INTS2: variants seen among roughly 807,000 people sequenced by gnomAD.
The protein encoded by INTS2 is KIAA1287.
A neutral mutation model predicts 139.6 loss-of-function variants in INTS2; 57 were observed. That is an observed-to-expected ratio of 0.41 (90% CI 0.33 to 0.51). The LOEUF is 0.51. Among genes scored for constraint, INTS2 ranks in the 20% least tolerant of loss-of-function variants. The pLI is 0.28. For missense variants in INTS2, 1,196 were observed against 1,436.7 expected (o/e 0.83, Z 2.71); for synonymous variants, 473 against 493.4 (o/e 0.96, Z 0.55).
chr17:61,900,741 T>C (rs2079396368), intron 9 of INTS2, among the ~76,000 whole-genome samples: 1 of 152,082 alleles, frequency 6.6e-6, no homozygotes. Flanking sequence ...GCAGATCACC[T>C]GAGGTCAGGA....
At chr17:61,919,685 C>T (rs1368689598) in intron 4 of INTS2, among the ~76,000 whole-genome samples, 172 bp from the exon 5 acceptor site, 3 of 152,166 alleles carry the variant, frequency 2.0e-5, no homozygotes, top group African/African-American at 4.8e-5. Flanking sequence ...GCTAAGATTA[C>T]AGGCATAAGC....
At position 61,868,280 on chromosome 17, in the gene INTS2, C is replaced by A. The variant is rs2079062100; in HGVS notation, c.3245-271G>T. 6.6e-6 allele frequency among the ~76,000 whole-genome samples: 1 copy of A among 152,066 alleles called. No individual in the cohort carries two copies. The highest frequency in any genetic ancestry group is 2.4e-5 in the African/African-American group (1 of 41,422). ...ATGACCAAAGTACTATTATGACACTCATTTTATATATGAGAAAACTCTTAA... is the reference window on the plus strand; with the variant it reads ...ATGACCAAAGTACTATTATGACACTAATTTTATATATGAGAAAACTCTTAA... On this transcript the variant is annotated intron_variant, in intron 23 of 24. Transcript: ENST00000251334. This position sits in a 1 kb window ranked among gnomAD's most constrained non-coding sequence, Gnocchi z 4.7.
intron 4 of INTS2, among the ~76,000 whole-genome samples, chr17:61,921,054 G>GGATT (rs1215923332): frequency 6.6e-6 from 1 of 152,086 alleles, no homozygotes; most frequent in Non-Finnish European, 1.5e-5. Context: ...CAAAGTGCTG[G>GGATT]GATTACAGGC....
chr17:61,894,668 G>A (rs1294650282), intron 12 of INTS2, among the ~76,000 whole-genome samples: 7 of 151,922 alleles, frequency 4.6e-5, no homozygotes, highest in African/African-American at 1.5e-4. Flanking sequence ...CCTGGTCAAC[G>A]TGGTAAAACC....
chr17:61,885,269 T>A (rs550923751), intron 15 of INTS2: 1 of 462,388 alleles, frequency 2.2e-6, no homozygotes, highest in African/African-American at 2.0e-5. Flanking sequence ...AGAGAAGCCA[T>A]GTGCAAAAGT....
chr17:61,900,001 T>A (rs959334471), intron 9 of INTS2, among the ~76,000 whole-genome samples: 1 of 151,890 alleles, frequency 6.6e-6, no homozygotes, highest in African/African-American at 2.4e-5. Context: ...AAAGAATTCA[T>A]GTACCTAATT....
In INTS2 at chr17:61,873,341, T is replaced by C. The variant is rs1370227355; in HGVS notation, c.2583-881A>G. Among the ~76,000 whole-genome samples, 7 of 152,036 alleles carry C rather than the reference T, an allele frequency of 4.6e-5. No individual in the cohort carries two copies. The highest frequency in any genetic ancestry group is 1.9e-4 in the East Asian group (1 of 5,176). The stretch of plus-strand genomic sequence containing the variant: ...GAGTTCAAGACCAGCCTGGACAACA[T>C]AGCAAGACCCCCAACTCAAAAAATA... On this transcript the variant is annotated intron_variant, in intron 19 of 24. Coordinates refer to ENST00000251334, the MANE Select transcript of INTS2 (RefSeq NM_001351695.2). This position sits in a 1 kb window ranked among gnomAD's most constrained non-coding sequence, Gnocchi z 4.0.
Position 61,878,022 on chromosome 17 carries a change from G to A in INTS2, c.2321C>T (p.Ser774Phe). The A allele has an allele frequency of 6.2e-7, 1 of 1,612,744 alleles. No individual in the cohort carries two copies. Among genetic ancestry groups the A allele is most frequent in the South Asian group, 1.1e-5 (1 of 91,060 alleles). ...MQIIEHLTLL[S>F]ASELIPYAEV... ...CGCATATGGTATAAGTTCACTGGCA[G>A]AGAGTAGAGTCAAGTGTTCTATAAT... The change falls in exon 18 of 25, where the codon TCT becomes TTT. Residue 774 changes from serine to phenylalanine, a missense_variant. Around this residue, in one of 3 missense-constraint regions of INTS2, gnomAD observed 1,129 missense variants for 1,341.9 expected, o/e 0.84. Coordinates refer to ENST00000251334, the MANE Select transcript of INTS2 (RefSeq NM_001351695.2).
intron 2 of INTS2, among the ~76,000 whole-genome samples, chr17:61,925,956 G>A (rs531699586): frequency 9.2e-5 from 14 of 152,046 alleles, no homozygotes; most frequent in South Asian, 6.2e-4. Context: ...AACCTGGGAG[G>A]CTGAGGTTGC....
Position 61,927,951 on chromosome 17 carries a change from CG to C in INTS2, c.-317del, listed in dbSNP as rs1567925865. The C allele has an allele frequency of 6.2e-7, 1 of 1,613,900 alleles. No homozygotes were observed. Among genetic ancestry groups the C allele is most frequent in the East Asian group, 2.2e-5 (1 of 44,872 alleles). On this transcript the variant is annotated 5_prime_UTR_variant, in exon 1 of 25. Transcript: ENST00000251334. ...ACCCAGCACCTTCATTCATCCCCAGCGTCTGACTCCCGTCGGCCACCGTACT... is the reference window on the plus strand; with the variant it reads ...ACCCAGCACCTTCATTCATCCCCAGCTCTGACTCCCGTCGGCCACCGTACT...
chr17:61,891,760 C>T, intron 13 of INTS2, 71 bp from the exon 14 acceptor site: 1 of 1,112,256 alleles, frequency 9.0e-7, no homozygotes, highest in Non-Finnish European at 1.3e-6. Context: ...TATAAAAGTA[C>T]ATACAGTTTT....
At chr17:61,884,599 A>G (rs2145917767) in intron 16 of INTS2, among the ~76,000 whole-genome samples, 1 of 152,278 alleles carries the variant, frequency 6.6e-6, no homozygotes. Flanking sequence ...AGGTTCAACC[A>G]CAAGAACCTG....
intron 5 of INTS2, 131 bp from the exon 6 acceptor site, chr17:61,912,201 GAA>G (rs1016570137): frequency 2.4e-6 from 2 of 846,098 alleles, no homozygotes; most frequent in African/African-American, 1.7e-5. Flanking sequence ...AGCAAAAAAT[GAA>G]AAGAGACTTA....
At position 61,873,571 on chromosome 17, in the gene INTS2, A is replaced by G. The variant is rs2079105404; in HGVS notation, c.2583-1111T>C. Among the ~76,000 whole-genome samples the G allele has an allele frequency of 6.6e-6, 1 of 152,094 alleles. No individual in the cohort carries two copies. The highest frequency in any genetic ancestry group is 2.4e-5 in the African/African-American group (1 of 41,428). The stretch of plus-strand genomic sequence containing the variant: ...ATGATAAATCATTTTTTCAAGAAAC[A>G]GCTCTTTTCTAGAAGTGTTATTTAT... On this transcript the variant is annotated intron_variant, in intron 19 of 24. Transcript: ENST00000251334. This position sits in a 1 kb window ranked among gnomAD's most constrained non-coding sequence, Gnocchi z 4.0.
intron 14 of INTS2, among the ~76,000 whole-genome samples, chr17:61,890,549 G>A (rs1367711358): frequency 6.6e-6 from 1 of 150,388 alleles, no homozygotes; most frequent in Non-Finnish European, 1.5e-5. Flanking sequence ...GGCAGAGTTT[G>A]CAGTAAGCTG....
chr17:61,894,276 G>A (rs748133834), intron 12 of INTS2: 32 of 154,418 alleles, frequency 2.1e-4, no homozygotes, highest in Non-Finnish European at 3.6e-4. Flanking sequence ...TTGTTATGGG[G>A]GGAAAATATT....
At chr17:61,922,817 C>T (rs1200223014) in intron 3 of INTS2, among the ~76,000 whole-genome samples, 1 of 151,960 alleles carries the variant, frequency 6.6e-6, no homozygotes, top group Admixed American at 6.6e-5. Context: ...GTGGCTCATG[C>T]CTGTAATCTC....
In INTS2 at chr17:61,875,115, T is replaced by G; in HGVS notation, c.2457-77A>C. Reference sequence around the variant, plus strand: ...TGTAGCCATCCAGTCCTTTCTATCTTAGAAAGTTATATTCAGTAAATAATT... The same window carrying G: ...TGTAGCCATCCAGTCCTTTCTATCTGAGAAAGTTATATTCAGTAAATAATT... On this transcript the variant is annotated intron_variant, in intron 18 of 24. Coordinates refer to ENST00000251334, the MANE Select transcript of INTS2 (RefSeq NM_001351695.2). The surrounding 1 kb of genome is among the most constrained non-coding windows in gnomAD (Gnocchi z 4.6). The G allele has an allele frequency of 9.5e-7, 1 of 1,057,772 alleles. No homozygotes were observed. Among genetic ancestry groups the G allele is most frequent in the Non-Finnish European group, 1.3e-6 (1 of 778,332 alleles). 65.5% of individuals were successfully genotyped at this position (1,057,772 alleles called of 1,614,324 possible).
Position 61,926,368 on chromosome 17 carries a change from T to C in INTS2, c.277A>G (p.Lys93Glu), listed in dbSNP as rs1567924288. Reference sequence around the variant, plus strand: ...TAACATTACCTAAGCTGCTGTTCTTTGCTGGCATCTTGTTCTAAAGCATGA... The same window carrying C: ...TAACATTACCTAAGCTGCTGTTCTTCGCTGGCATCTTGTTCTAAAGCATGA... Reference protein sequence around the residue: ...DFHALEQDASKEQQLRHKLGG... With the variant: ...DFHALEQDASEEQQLRHKLGG... The change falls in exon 2 of 25, where the codon AAA becomes GAA. Residue 93 changes from lysine (K) to glutamate (E), a missense_variant. Around this residue, in one of 3 missense-constraint regions of INTS2, gnomAD observed 1,129 missense variants for 1,341.9 expected, o/e 0.84. Transcript: ENST00000251334. 1 of 1,600,572 alleles carries C rather than the reference T, an allele frequency of 6.2e-7. No individual in the cohort carries two copies. The highest frequency in any genetic ancestry group is 1.1e-5 in the South Asian group (1 of 90,536).
Sources: allele counts gnomAD v4.1 joint callset (sites outside exome capture counted in the v4.1 genomes callset), GRCh38; gene constraint gnomAD v4.1.1; regional missense constraint gnomAD v4.1.1; non-coding constraint Gnocchi (gnomAD v3.1); transcripts MANE v1.5; gene names NCBI Gene and HGNC (gene_info 2026-07-23, HGNC 2026-07-21).